The following ZNF277 variants were observed in gnomAD, a reference collection of about 807,000 sequenced individuals.
ZNF277 encodes zinc finger protein 277, also known as nuclear receptor-interacting factor 4.
A neutral mutation model predicts 60.7 loss-of-function variants in ZNF277; 55 were observed. The observed-to-expected ratio is 0.91, with a 90% CI of 0.73 to 1.13. The LOEUF is 1.13. Ranked by LOEUF, ZNF277 falls within the 50% of genes most tolerant of loss-of-function variation. ZNF277 has a pLI of 0.00. For missense variants in ZNF277, 510 were observed against 523.0 expected, an observed-to-expected ratio of 0.98 and a Z score of 0.24; for synonymous variants, 178 against 179.3, an observed-to-expected ratio of 0.99 and a Z score of 0.06.
At chr7:112,316,429 T>C (rs1426239787) in intron 4 of ZNF277, among the ~76,000 whole-genome samples, 6 of 152,102 alleles carry the variant, frequency 3.9e-5, no homozygotes, top group Admixed American at 3.9e-4. Flanking sequence ...TTCTTGTAAA[T>C]TTGTGTAAGT....
At chr7:112,242,608 C>A (rs1790987783) in intron 1 of ZNF277, among the ~76,000 whole-genome samples, 1 of 146,348 alleles carries the variant, frequency 6.8e-6, no homozygotes, top group Admixed American at 6.8e-5. Context: ...ATACATTTAA[C>A]CAAGGAGGTG....
chr7:112,259,825 A>G (rs1791402172), intron 1 of ZNF277, among the ~76,000 whole-genome samples: 1 of 152,158 alleles, frequency 6.6e-6, no homozygotes, highest in East Asian at 1.9e-4. Flanking sequence ...AAAGGAATAA[A>G]AGGATTTTGT....
At chr7:112,295,364 T>G (rs1439681472) in intron 2 of ZNF277, among the ~76,000 whole-genome samples, 1 of 152,150 alleles carries the variant, frequency 6.6e-6, no homozygotes, top group Non-Finnish European at 1.5e-5. Context: ...TCAGACTCAG[T>G]GTAGACATAT....
chr7:112,238,416 TAGCCCCACC>T (rs1790859294), intron 1 of ZNF277, among the ~76,000 whole-genome samples: 1 of 152,216 alleles, frequency 6.6e-6, no homozygotes, highest in Non-Finnish European at 1.5e-5. Flanking sequence ...GAGTTCCAGC[TAGCCCCACC>T]AGCAAGGCTA....
intron 1 of ZNF277, among the ~76,000 whole-genome samples, chr7:112,248,271 C>T (rs1791126733): frequency 6.8e-6 from 1 of 146,334 alleles, no homozygotes; most frequent in African/African-American, 2.6e-5. Flanking sequence ...GAGACTGGCT[C>T]ATCTGGGAGA....
intron 1 of ZNF277, among the ~76,000 whole-genome samples, chr7:112,224,268 A>G (rs1001711849): frequency 2.0e-5 from 3 of 152,258 alleles, no homozygotes; most frequent in African/African-American, 7.2e-5. Flanking sequence ...CATAAAATAC[A>G]CTAACACTTA....
intron 1 of ZNF277, among the ~76,000 whole-genome samples, chr7:112,263,019 T>A (rs1791469596): frequency 6.6e-6 from 1 of 152,232 alleles, no homozygotes; most frequent in South Asian, 2.1e-4. Context: ...GCTTGGGCTC[T>A]GGAGTCAGAC....
intron 4 of ZNF277, among the ~76,000 whole-genome samples, chr7:112,302,512 A>G (rs528605596): frequency 6.6e-6 from 1 of 152,260 alleles, no homozygotes; most frequent in South Asian, 2.1e-4. Flanking sequence ...ATATAAGATG[A>G]TATTTCCCAT....
At chr7:112,295,832 A>C in intron 2 of ZNF277, 37 bp from the exon 3 acceptor site, 1 of 1,488,460 alleles carries the variant, frequency 6.7e-7, no homozygotes, top group South Asian at 1.1e-5. Context: ...TAGTATATTG[A>C]ATCTTCTCAT....
chr7:112,277,185 A>G (rs1264810162), intron 1 of ZNF277, among the ~76,000 whole-genome samples: 2 of 146,322 alleles, frequency 1.4e-5, no homozygotes, highest in Non-Finnish European at 3.0e-5. Context: ...CCAGGTTCAC[A>G]CCATTCTCCT....
intron 1 of ZNF277, among the ~76,000 whole-genome samples, chr7:112,246,439 A>G (rs1027747554): frequency 1.3e-5 from 2 of 152,144 alleles, no homozygotes; most frequent in Non-Finnish European, 2.9e-5. Flanking sequence ...AGTATATGGC[A>G]ATATTTGTCC....
intron 6 of ZNF277, among the ~76,000 whole-genome samples, 183 bp downstream of exon 6, chr7:112,328,010 AT>A (rs1328789310): frequency 6.6e-6 from 1 of 152,154 alleles, no homozygotes; most frequent in Non-Finnish European, 1.5e-5. Context: ...TGTTTTTTAA[AT>A]TTTTCAAATA....
chr7:112,336,044 A>G, intron 7 of ZNF277, 60 bp from the exon 8 acceptor site: 1 of 1,434,742 alleles, frequency 7.0e-7, no homozygotes, highest in African/African-American at 1.4e-5. Flanking sequence ...TCAAAGTTCT[A>G]CATACTCTCT....
chr7:112,303,366 A>G (rs1792523045), intron 4 of ZNF277, among the ~76,000 whole-genome samples: 1 of 152,132 alleles, frequency 6.6e-6, no homozygotes, highest in Non-Finnish European at 1.5e-5. Flanking sequence ...ATAATTTTTT[A>G]AAGAAAATCT....
At chr7:112,212,233 A>G (rs1821768955) in intron 1 of ZNF277, among the ~76,000 whole-genome samples, 2 of 152,254 alleles carry the variant, frequency 1.3e-5, no homozygotes, top group African/African-American at 4.8e-5. Context: ...ATGACCTACC[A>G]CATGGACCTT....
At chr7:112,310,529 C>T (rs1018098024) in intron 4 of ZNF277, among the ~76,000 whole-genome samples, 4 of 144,686 alleles carry the variant, frequency 2.8e-5, no homozygotes, top group Non-Finnish European at 6.0e-5. Flanking sequence ...TAGGTGCCAC[C>T]CTACTTTTTT....
intron 7 of ZNF277, 28 bp downstream of exon 7, chr7:112,330,244 T>C: frequency 6.2e-7 from 1 of 1,608,736 alleles, no homozygotes; most frequent in Non-Finnish European, 8.5e-7. Context: ...TAACTTAAAA[T>C]TTGATTGCAG....
chr7:112,316,824 A>G (rs546519008), intron 4 of ZNF277, among the ~76,000 whole-genome samples: 1 of 152,184 alleles, frequency 6.6e-6, no homozygotes, highest in Admixed American at 6.6e-5. Flanking sequence ...ATGATTATAA[A>G]TCATTCTACT....
rs528201244 is a variant in ZNF277 at position 112,209,487 on chromosome 7, A to C, written c.91+2680A>C. On this transcript the variant is annotated intron_variant, in intron 1 of 11. Transcript: ENST00000361822. Reference sequence around the variant, plus strand: ...AGTTTTTGATTCCAGTTTGTTTTCAATAAAAGTGTTGAGTAGTAGTGAATT... The same window carrying C: ...AGTTTTTGATTCCAGTTTGTTTTCACTAAAAGTGTTGAGTAGTAGTGAATT... Among the ~76,000 whole-genome samples, 10 of 152,270 alleles carry C rather than the reference A, an allele frequency of 6.6e-5. No homozygotes were observed. In the East Asian group the frequency reaches 1.9e-3, roughly 29 times the overall value.
Sources: gnomAD v4.1 joint callset for allele counts (sites outside exome capture counted in the v4.1 genomes callset) on GRCh38, gnomAD v4.1.1 for gene constraint, MANE v1.5 for transcripts, NCBI Gene and HGNC (gene_info 2026-07-23, HGNC 2026-07-21) for gene names.